The following SDR9C7 variants were observed in gnomAD, a reference collection of about 807,000 sequenced individuals.
SDR9C7 encodes the protein short-chain dehydrogenase/reductase family 9C member 7.
SDR9C7 carries 11 observed loss-of-function variants against 23.6 expected under a neutral mutation model. That is an observed-to-expected ratio of 0.47 (90% CI 0.29 to 0.77). SDR9C7 has a LOEUF of 0.77. Ranked by LOEUF, SDR9C7 falls within the 30% of genes least tolerant of loss-of-function variation. The pLI, the probability that SDR9C7 is intolerant of heterozygous loss-of-function variation, is 0.09. For synonymous variants in SDR9C7, 167 were observed against 157.3 expected (o/e 1.06, Z -0.46); for missense variants, 387 against 407.1 (o/e 0.95, Z 0.42).
At chr12:56,927,010 A>T (rs1464624460) in intron 3 of SDR9C7, among the ~76,000 whole-genome samples, 2 of 152,212 alleles carry the variant, frequency 1.3e-5, no homozygotes, top group Non-Finnish European at 2.9e-5. Context: ...AGAGTGTCTC[A>T]TCTCTGAATC....
Position 56,924,022 on chromosome 12 carries a change from C to G in SDR9C7, c.753G>C (p.Gln251His). Residue 251 changes from glutamine to histidine, a missense_variant, in exon 4 of 4, where the codon CAG becomes CAC. Transcript: ENST00000293502. The stretch of plus-strand genomic sequence containing the variant: ...CATCTCTGACTCTGGGCTCTGCCAC[C>G]TGCATTATGTTTTTTAACTTGTCAG... ...IYTDKLKNIM[Q>H]VAEPRVRDVI... 6.2e-7 allele frequency: 1 copy of G among 1,613,610 alleles called. No homozygotes were observed. Among genetic ancestry groups the G allele is most frequent in the Non-Finnish European group, 8.5e-7 (1 of 1,179,720 alleles).
At position 56,930,318 on chromosome 12, in the gene SDR9C7, G is replaced by A; in HGVS notation, c.468C>T (p.Val156=). The A allele has an allele frequency of 6.2e-7, 1 of 1,614,154 alleles. No individual in the cohort carries two copies. The highest frequency in any genetic ancestry group is 8.5e-7 in the Non-Finnish European group (1 of 1,180,028). The change falls in exon 2 of 4, where the codon GTC becomes GTT. Residue 156 remains valine (V), a synonymous_variant. Transcript: ENST00000293502. ...PMVKRARGRV[V]NMSSSGGRVA... is the part of the protein sequence containing the mutation. ...CACGACCACCAGAGCTGGACATGTT[G>A]ACAACCCTGCCCCGGGCTCTCTTGA...
At chr12:56,933,832 G>A (rs1395023712) in intron 1 of SDR9C7, 129 bp downstream of exon 1, 4 of 1,088,932 alleles carry the variant, frequency 3.7e-6, no homozygotes, top group East Asian at 2.4e-5. Flanking sequence ...ATTGAGGCAG[G>A]GGCCTTTCCC....
chr12:56,932,694 A>G (rs1592424575), intron 1 of SDR9C7, among the ~76,000 whole-genome samples: 1 of 152,214 alleles, frequency 6.6e-6, no homozygotes, highest in East Asian at 1.9e-4. Context: ...TAGCTCACTC[A>G]AATCTATTTA....
intron 3 of SDR9C7, among the ~76,000 whole-genome samples, chr12:56,926,770 G>C (rs917280029): frequency 6.6e-6 from 1 of 152,126 alleles, no homozygotes; most frequent in Admixed American, 6.5e-5. Flanking sequence ...TCACTAAAAC[G>C]TTGCTCACAC....
At chr12:56,926,210 C>A (rs1955732866) in intron 3 of SDR9C7, among the ~76,000 whole-genome samples, 1 of 152,172 alleles carries the variant, frequency 6.6e-6, no homozygotes, top group Admixed American at 6.5e-5. Flanking sequence ...TCAGTCACAG[C>A]AACTGGCTGA....
intron 1 of SDR9C7, 142 bp downstream of exon 1, chr12:56,933,819 C>T: frequency 2.0e-6 from 2 of 975,626 alleles, no homozygotes; most frequent in Non-Finnish European, 3.0e-6. Context: ...GGCTTCCAAT[C>T]AGATTGAGGC....
intron 2 of SDR9C7, 24 bp downstream of exon 2, chr12:56,930,202 T>A (rs368387180): frequency 4.3e-6 from 7 of 1,611,300 alleles, no homozygotes; most frequent in Non-Finnish European, 5.9e-6. Flanking sequence ...CACCCAGAAT[T>A]GTTCAGTACC....
Position 56,923,713 on chromosome 12 carries a change from T to C in SDR9C7, c.*120A>G. The C allele has an allele frequency of 1.2e-6, 1 of 808,000 alleles. No individual in the cohort carries two copies. Among genetic ancestry groups the C allele is most frequent in the Non-Finnish European group, 2.0e-6 (1 of 509,832 alleles). The allele number at this position is 808,000 out of a possible 1,614,324, so 50.1% of individuals were successfully genotyped here. A position where few individuals can be genotyped will look rare whatever the true frequency, so the allele number is the denominator to read the frequency against. On this transcript the variant is annotated 3_prime_UTR_variant, in exon 4 of 4. Coordinates refer to ENST00000293502, the MANE Select transcript of SDR9C7 (RefSeq NM_148897.3). ...AAATTCGACAGCAGTGGGTGTCAGCTGAGCCAAGCTTCCTTTGCAGCCAAT... is the reference window on the plus strand; with the variant it reads ...AAATTCGACAGCAGTGGGTGTCAGCCGAGCCAAGCTTCCTTTGCAGCCAAT...
intron 3 of SDR9C7, among the ~76,000 whole-genome samples, chr12:56,924,998 T>C (rs945660766): frequency 4.6e-5 from 7 of 151,854 alleles, no homozygotes; most frequent in African/African-American, 1.7e-4. Flanking sequence ...AGAGCAAACA[T>C]GATGGGAAAA....
At position 56,929,194 on chromosome 12, in the gene SDR9C7, T is replaced by C. The variant is rs1049819482; in HGVS notation, c.724+196A>G. ...TGCCAGGAGTGGGCTGAATTGCCCT[T>C]AACTCCCCGGGCTGCTCCAGAAGTG... On this transcript the variant is annotated intron_variant, in intron 3 of 3. Transcript: ENST00000293502. Among the ~76,000 whole-genome samples, 4 of 152,268 alleles carry C rather than the reference T, an allele frequency of 2.6e-5. No individual in the cohort carries two copies. The South Asian group carries it at 8.3e-4, about 32-fold the overall frequency.
At chr12:56,926,500 T>C (rs992095556) in intron 3 of SDR9C7, among the ~76,000 whole-genome samples, 2 of 152,206 alleles carry the variant, frequency 1.3e-5, no homozygotes, top group Admixed American at 1.3e-4. Context: ...ATCTGACTCC[T>C]AATCTCTCCC....
At chr12:56,925,295 C>T (rs1166141202) in intron 3 of SDR9C7, among the ~76,000 whole-genome samples, 1 of 152,184 alleles carries the variant, frequency 6.6e-6, no homozygotes, top group Non-Finnish European at 1.5e-5. Context: ...CCACACCACA[C>T]ACCCACCAGG....
chr12:56,928,399 G>A (rs771679550), intron 3 of SDR9C7, among the ~76,000 whole-genome samples: 2 of 152,092 alleles, frequency 1.3e-5, no homozygotes, highest in Non-Finnish European at 2.9e-5. Context: ...AATTGGGACC[G>A]CAACTTCCTG....
At chr12:56,928,768 C>T (rs1370126105) in intron 3 of SDR9C7, among the ~76,000 whole-genome samples, 2 of 152,176 alleles carry the variant, frequency 1.3e-5, no homozygotes, top group South Asian at 2.1e-4. Context: ...AAACAGCTGC[C>T]GTGTCCCACC....
chr12:56,924,744 C>T (rs2136366186), intron 3 of SDR9C7, among the ~76,000 whole-genome samples: 1 of 152,256 alleles, frequency 6.6e-6, no homozygotes, highest in Middle Eastern at 3.4e-3. Flanking sequence ...AACATGGTGA[C>T]ACCTTGTCTC....
At chr12:56,930,752 C>G (rs1955764273) in intron 1 of SDR9C7, among the ~76,000 whole-genome samples, 1 of 152,244 alleles carries the variant, frequency 6.6e-6, no homozygotes, top group African/African-American at 2.4e-5. Context: ...TTTCAGCTAT[C>G]AGCTTTGGGA....
intron 3 of SDR9C7, among the ~76,000 whole-genome samples, chr12:56,929,127 T>C (rs921849356): frequency 3.3e-5 from 5 of 152,090 alleles, no homozygotes; most frequent in African/African-American, 1.2e-4. Context: ...TCTCAGTGCA[T>C]TTTCACCTGA....
At chr12:56,928,908 T>C (rs1403269453) in intron 3 of SDR9C7, among the ~76,000 whole-genome samples, 2 of 152,206 alleles carry the variant, frequency 1.3e-5, no homozygotes, top group Non-Finnish European at 2.9e-5. Flanking sequence ...GCACTCAGAA[T>C]GTGCAAAGTA....
Sources: gnomAD v4.1 joint callset for allele counts (sites outside exome capture counted in the v4.1 genomes callset) on GRCh38, gnomAD v4.1.1 for gene constraint, MANE v1.5 for transcripts, NCBI Gene and HGNC (gene_info 2026-07-23, HGNC 2026-07-21) for gene names.